BIN3: variants seen among roughly 807,000 people sequenced by gnomAD.
The protein encoded by BIN3 is bridging integrator 3.
A neutral mutation model predicts 38.2 loss-of-function variants in BIN3; 41 were observed. The observed-to-expected ratio is 1.07, with a 90% CI of 0.84 to 1.39. The LOEUF (loss-of-function observed/expected upper bound fraction) is 1.39, where lower values mean the gene tolerates loss of function less well. Among genes scored for constraint, BIN3 ranks in the 40% most tolerant of loss-of-function variants. The pLI is 0.00. For missense variants in BIN3, 361 were observed against 324.3 expected, an observed-to-expected ratio of 1.11 and a Z score of -0.87; for synonymous variants, 145 against 122.6, an observed-to-expected ratio of 1.18 and a Z score of -1.21.
chr8:22,650,661 A>C (rs897209453), intron 1 of BIN3, among the ~76,000 whole-genome samples: 1 of 152,194 alleles, frequency 6.6e-6, no homozygotes, highest in Non-Finnish European at 1.5e-5. Flanking sequence ...TGCCAGAAAC[A>C]ACCACTTTCA....
intron 1 of BIN3, among the ~76,000 whole-genome samples, chr8:22,653,951 C>A (rs1467235226): frequency 6.6e-6 from 1 of 152,054 alleles, no homozygotes; most frequent in African/African-American, 2.4e-5. Context: ...GGGACAGTCT[C>A]CCAGTGATAA....
intron 1 of BIN3, among the ~76,000 whole-genome samples, chr8:22,668,315 C>A (rs575346436): frequency 6.8e-4 from 103 of 152,334 alleles, no homozygotes; most frequent in African/African-American, 1.8e-3. Context: ...TATGAAGTGT[C>A]TACTATGACC....
At chr8:22,644,888 C>T (rs1802667257) in intron 1 of BIN3, 85 bp from the exon 2 acceptor site, 6 of 1,248,650 alleles carry the variant, frequency 4.8e-6, no homozygotes, top group Non-Finnish European at 5.7e-6. Context: ...AGGCCACTTT[C>T]CCCCAGGAGG....
intron 4 of BIN3, among the ~76,000 whole-genome samples, chr8:22,635,507 A>G (rs971241215): frequency 1.3e-5 from 2 of 152,134 alleles, no homozygotes; most frequent in African/African-American, 4.8e-5. Context: ...GAGCTGCAGG[A>G]GTCCACCCAG....
intron 1 of BIN3, among the ~76,000 whole-genome samples, chr8:22,658,382 T>C (rs1434733778): frequency 2.0e-5 from 3 of 152,238 alleles, no homozygotes; most frequent in Admixed American, 1.3e-4. Context: ...ATATACTTTT[T>C]CAAACAGTAA....
At chr8:22,659,142 C>T (rs984007062) in intron 1 of BIN3, among the ~76,000 whole-genome samples, 3 of 152,362 alleles carry the variant, frequency 2.0e-5, no homozygotes, top group Admixed American at 2.0e-4. Context: ...ATGCCATCCT[C>T]TGTGTCGGGC....
Position 22,624,154 on chromosome 8 carries a change from A to C in BIN3, c.480+68T>G, listed in dbSNP as rs574368480. On this transcript the variant is annotated intron_variant, in intron 7 of 8. Transcript: ENST00000276416. ...TGTCTTGGTGCCCCCAGGTGAGGGG[A>C]GGGACTTACCACAGGTGACCACGAT... The C allele has an allele frequency of 1.9e-5, 30 of 1,589,118 alleles. No individual in the cohort carries two copies. In the African/African-American group the frequency reaches 2.8e-4, roughly 15 times the overall value.
chr8:22,648,531 G>A (rs951705657), intron 1 of BIN3, among the ~76,000 whole-genome samples: 29 of 152,166 alleles, frequency 1.9e-4, no homozygotes, highest in Admixed American at 9.2e-4. Context: ...GGCTTTTGGG[G>A]TAGAAGATCA....
chr8:22,620,469 AAACT>A lies in BIN3; in HGVS notation c.*949_*952del, dbSNP rs2117481057. The A allele has an allele frequency of 6.6e-6, 1 of 150,768 alleles. No individual in the cohort carries two copies. Among genetic ancestry groups the A allele is most frequent in the South Asian group, 2.1e-4 (1 of 4,734 alleles). The allele number at this position is 150,768 out of a possible 1,614,324, so 9.3% of individuals were successfully genotyped here. A position where few individuals can be genotyped will look rare whatever the true frequency, so the allele number is the denominator to read the frequency against. Reference sequence around the variant, plus strand: ...TTTTAAATAAACCAAAGTCAAAAACAAACTGAGAGTGTGTCCTCCACAGCTCTTC... The same window carrying A: ...TTTTAAATAAACCAAAGTCAAAAACAGAGAGTGTGTCCTCCACAGCTCTTC... On this transcript the variant is annotated 3_prime_UTR_variant, in exon 9 of 9. Transcript: ENST00000276416.
At chr8:22,648,325 C>T (rs1237829052) in intron 1 of BIN3, among the ~76,000 whole-genome samples, 1 of 152,094 alleles carries the variant, frequency 6.6e-6, no homozygotes, top group Admixed American at 6.5e-5. Context: ...CATGTCCTTT[C>T]TCAGTTCCAG....
intron 1 of BIN3, among the ~76,000 whole-genome samples, chr8:22,664,770 C>A (rs1351472665): frequency 6.6e-6 from 1 of 152,230 alleles, no homozygotes; most frequent in African/African-American, 2.4e-5. Context: ...GACTGCACTG[C>A]TTGCGCAGAC....
intron 4 of BIN3, among the ~76,000 whole-genome samples, chr8:22,631,137 G>A (rs923271223): frequency 1.3e-5 from 2 of 152,164 alleles, no homozygotes; most frequent in African/African-American, 2.4e-5. Flanking sequence ...AAGGGATGTG[G>A]CTGTTTCAAT....
chr8:22,651,705 CTGTT>C (rs895345472), intron 1 of BIN3, among the ~76,000 whole-genome samples: 2 of 152,088 alleles, frequency 1.3e-5, no homozygotes, highest in Non-Finnish European at 2.9e-5. Flanking sequence ...TGTATATAAC[CTGTT>C]TTTTATTTTC....
Position 22,636,530 on chromosome 8 carries a change from T to C in BIN3, c.155A>G (p.Asp52Gly). The C allele has an allele frequency of 6.4e-7, 1 of 1,552,470 alleles. No homozygotes were observed. Among genetic ancestry groups the C allele is most frequent in the South Asian group, 1.2e-5 (1 of 84,102 alleles). The change falls in exon 4 of 9, where the codon GAC becomes GGC. Residue 52 changes from aspartate (D) to glycine (G), a missense_variant. Physicochemically the swap from Asp to Gly is moderately conservative, Grantham distance 94 (BLOSUM62 -1). Coordinates refer to ENST00000276416, the MANE Select transcript of BIN3 (RefSeq NM_018688.6). ...GCGGGTGGAAAGTCACCTACCCAGG[T>C]CTGCGTCGGTGCTCTTCTTCATGTC... ...QKDMKKSTDA[D>G]LAMSKSAVKI...
chr8:22,644,958 A>G, intron 1 of BIN3, 155 bp from the exon 2 acceptor site: 1 of 632,636 alleles, frequency 1.6e-6, no homozygotes, highest in Non-Finnish European at 2.9e-6. Flanking sequence ...GCATACAACC[A>G]TTGGCATCTG....
chr8:22,659,074 G>C (rs1803149990), intron 1 of BIN3, among the ~76,000 whole-genome samples: 1 of 152,264 alleles, frequency 6.6e-6, no homozygotes, highest in Non-Finnish European at 1.5e-5. Flanking sequence ...CAGAGAGCCA[G>C]AGCCGGGGCA....
intron 6 of BIN3, chr8:22,624,595 G>C: frequency 3.8e-6 from 2 of 533,026 alleles, no homozygotes; most frequent in Middle Eastern, 4.9e-4. Flanking sequence ...CTGTCCCCTG[G>C]AGCTTGTGCG....
chr8:22,651,362 C>A (rs1168263681), intron 1 of BIN3, among the ~76,000 whole-genome samples: 2 of 152,250 alleles, frequency 1.3e-5, no homozygotes, highest in Non-Finnish European at 2.9e-5. Context: ...CCAACCTGGA[C>A]TGGCTGCCTG....
At chr8:22,649,150 T>A (rs189205451) in intron 1 of BIN3, among the ~76,000 whole-genome samples, 350 of 152,300 alleles carry the variant, frequency 2.3e-3, no homozygotes, top group Non-Finnish European at 3.9e-3. Flanking sequence ...CCCCCAAATC[T>A]AGACTCCTTA....
Sources: allele counts gnomAD v4.1 joint callset (sites outside exome capture counted in the v4.1 genomes callset), GRCh38; gene constraint gnomAD v4.1.1; transcripts MANE v1.5; gene names NCBI Gene and HGNC (gene_info 2026-07-23, HGNC 2026-07-21).